The following TRPM3 variants were observed in gnomAD, a reference collection of about 807,000 sequenced individuals.
The protein encoded by TRPM3 is long transient receptor potential channel 3.
TRPM3 carries 77 observed loss-of-function variants against 181.2 expected under a neutral mutation model. That is an observed-to-expected ratio of 0.42 (90% confidence interval 0.35 to 0.51). The LOEUF (loss-of-function observed/expected upper bound fraction) is 0.51, where lower values mean the gene tolerates loss of function less well. TRPM3 is among the 20% of genes least tolerant of loss of function. The pLI, the probability that TRPM3 is intolerant of heterozygous loss-of-function variation, is 0.01. For synonymous variants in TRPM3, 745 were observed against 796.4 expected, an observed-to-expected ratio of 0.94 and a Z score of 1.09; for missense variants, 1,759 against 2,196.7, an observed-to-expected ratio of 0.80 and a Z score of 3.98.
chr9:70,964,207 C>T lies in TRPM3; in HGVS notation c.178-99696G>A, dbSNP rs927429694. 1.3e-4 allele frequency among the ~76,000 whole-genome samples: 20 copies of T among 152,206 alleles called. No homozygotes were observed. In the Middle Eastern group the frequency reaches 0.01, roughly 78 times the overall value. On this transcript the variant is annotated intron_variant, in intron 1 of 25. Coordinates refer to ENST00000677713, the MANE Select transcript of TRPM3 (RefSeq NM_001366145.2). ...GATATATTTTCTACTTATTGTCTGT[C>T]TTTCCTAAATTAGATCATAAACTCC... is the stretch of plus-strand genomic sequence containing the variant.
intron 1 of TRPM3, among the ~76,000 whole-genome samples, chr9:71,042,158 C>T (rs2058899518): frequency 6.6e-6 from 1 of 151,746 alleles, no homozygotes; most frequent in South Asian, 2.1e-4. Flanking sequence ...TGTTCCATAA[C>T]CATTTCCTAA....
At position 71,041,311 on chromosome 9, in the gene TRPM3, T is replaced by C. The variant is rs550846916; in HGVS notation, c.177+79867A>G. Reference sequence around the variant, plus strand: ...CCAAGTAAAGTATATGGTGATTCTTTATAATATTTTGCAAGTATTTGGGAA... The same window carrying C: ...CCAAGTAAAGTATATGGTGATTCTTCATAATATTTTGCAAGTATTTGGGAA... On this transcript the variant is annotated intron_variant, in intron 1 of 25. Transcript: ENST00000677713. Among the ~76,000 whole-genome samples the C allele has an allele frequency of 3.9e-5, 6 of 152,252 alleles. No individual in the cohort carries two copies. In the East Asian group the frequency reaches 1.2e-3, roughly 29 times the overall value.
chr9:70,872,390 C>T (rs939574716), intron 1 of TRPM3, among the ~76,000 whole-genome samples: 2 of 151,912 alleles, frequency 1.3e-5, no homozygotes, highest in Non-Finnish European at 2.9e-5. Flanking sequence ...TTTGCTCTTT[C>T]TCAAGCATGT....
chr9:71,258,740 T>C (rs1320503348), intron 1 of TRPM3, among the ~76,000 whole-genome samples: 2 of 152,160 alleles, frequency 1.3e-5, no homozygotes, highest in African/African-American at 2.4e-5. Flanking sequence ...CCACAGAATA[T>C]TTTACAGATA....
intron 1 of TRPM3, among the ~76,000 whole-genome samples, chr9:71,069,419 C>T (rs1431171361): frequency 2.6e-5 from 4 of 152,100 alleles, no homozygotes; most frequent in South Asian, 2.1e-4. Flanking sequence ...CCTCATGATC[C>T]GCCTGCCTTG....
chr9:70,835,360 A>G (rs1237068856), intron 5 of TRPM3, among the ~76,000 whole-genome samples: 2 of 151,978 alleles, frequency 1.3e-5, no homozygotes, highest in East Asian at 3.9e-4. Flanking sequence ...TATTAATATT[A>G]TCATTATTAT....
chr9:71,402,714 A>C (rs2093364383), intron 1 of TRPM3, among the ~76,000 whole-genome samples: 2 of 152,234 alleles, frequency 1.3e-5, no homozygotes, highest in South Asian at 4.1e-4. Flanking sequence ...ATTATTTTAA[A>C]GCAAACATGA....
At chr9:70,972,709 G>C (rs2184851) in intron 1 of TRPM3, among the ~76,000 whole-genome samples, 1 of 151,822 alleles carries the variant, frequency 6.6e-6, no homozygotes, top group African/African-American at 2.4e-5. Flanking sequence ...ATAAGTCTTC[G>C]GACTTGAATC....
intron 1 of TRPM3, among the ~76,000 whole-genome samples, chr9:71,248,006 GTCC>G (rs2082134219): frequency 2.0e-5 from 3 of 152,170 alleles, no homozygotes; most frequent in Non-Finnish European, 4.4e-5. Flanking sequence ...CTGATAGACT[GTCC>G]TTCTCAGGGT....
At chr9:70,983,605 A>C (rs1240076895) in intron 1 of TRPM3, among the ~76,000 whole-genome samples, 9 of 152,208 alleles carry the variant, frequency 5.9e-5, no homozygotes, top group Non-Finnish European at 1.5e-5. Context: ...ACTTGTGGGC[A>C]GGCAGAGGAA....
intron 1 of TRPM3, among the ~76,000 whole-genome samples, chr9:70,909,874 C>A (rs925284239): frequency 1.3e-5 from 2 of 152,074 alleles, no homozygotes; most frequent in African/African-American, 4.8e-5. Flanking sequence ...CATTCCCACC[C>A]TAATAGCTAA....
intron 1 of TRPM3, among the ~76,000 whole-genome samples, chr9:71,217,744 G>T (rs908444560): frequency 6.6e-6 from 1 of 152,138 alleles, no homozygotes; most frequent in African/African-American, 2.4e-5. Context: ...ATCCACCGGG[G>T]AACCAACCAA....
At chr9:70,644,362 G>A (rs1350475219) in intron 9 of TRPM3, among the ~76,000 whole-genome samples, 1 of 152,146 alleles carries the variant, frequency 6.6e-6, no homozygotes, top group Non-Finnish European at 1.5e-5. Context: ...CACAATAGAA[G>A]TATTTTGCTA....
chr9:70,792,120 A>G (rs1416091476), intron 6 of TRPM3, among the ~76,000 whole-genome samples: 1 of 152,082 alleles, frequency 6.6e-6, no homozygotes, highest in Non-Finnish European at 1.5e-5. Flanking sequence ...AGACCCATCC[A>G]CTGCATAGAA....
At chr9:70,917,481 C>T in intron 1 of TRPM3, 1 of 738,718 alleles carries the variant, frequency 1.4e-6, no homozygotes, top group Non-Finnish European at 2.5e-6. Flanking sequence ...ACTGCCACCA[C>T]CAGCACCAGG....
At chr9:70,588,832 A>G (rs2057614514) in intron 22 of TRPM3, among the ~76,000 whole-genome samples, 1 of 152,208 alleles carries the variant, frequency 6.6e-6, no homozygotes. Context: ...ATGAATATTA[A>G]ATCATTTGGA....
chr9:71,154,291 A>T lies in TRPM3; in HGVS notation c.184-289780T>A, dbSNP rs74725783. On this transcript the variant is annotated intron_variant, in intron 1 of 24. Coordinates refer to the TRPM3 transcript ENST00000357533. ...GTAAGCTCTATAAGTACAAAGCAAA[A>T]ACAATTCTAGAATAAACACCAAAAC... is the stretch of plus-strand genomic sequence containing the variant. Among the ~76,000 whole-genome samples the T allele has an allele frequency of 9.3e-3, 1,422 of 152,248 alleles. 27 individuals are homozygous for T. The highest frequency in any genetic ancestry group is 0.031 in the African/African-American group (1,301 of 41,544).
At chr9:70,958,623 GA>G (rs1278734725) in intron 1 of TRPM3, among the ~76,000 whole-genome samples, 4 of 152,206 alleles carry the variant, frequency 2.6e-5, no homozygotes, top group African/African-American at 9.6e-5. Context: ...TCTAGAACTA[GA>G]AATACCATTT....
chr9:70,767,224 C>T (rs2079315690), intron 7 of TRPM3, among the ~76,000 whole-genome samples: 1 of 152,146 alleles, frequency 6.6e-6, no homozygotes, highest in South Asian at 2.1e-4. Flanking sequence ...TCAGAGACCA[C>T]CAGTTCTTTC....
Sources: gnomAD v4.1 joint callset for allele counts (sites outside exome capture counted in the v4.1 genomes callset) on GRCh38, gnomAD v4.1.1 for gene constraint, MANE v1.5 for transcripts, NCBI Gene and HGNC (gene_info 2026-07-23, HGNC 2026-07-21) for gene names.